CTTNBP2NL: variants seen among roughly 807,000 people sequenced by gnomAD.
CTTNBP2NL encodes the protein CTTNBP2 N-terminal like.
CTTNBP2NL carries 16 observed loss-of-function variants against 32.5 expected under a neutral mutation model. The ratio of observed to expected loss-of-function variants is 0.49; its 90% CI spans 0.33 to 0.75. The LOEUF (loss-of-function observed/expected upper bound fraction) is 0.75, where lower values mean the gene tolerates loss of function less well. Among genes scored for constraint, CTTNBP2NL ranks in the 30% least tolerant of loss-of-function variants. CTTNBP2NL has a pLI of 0.02. For synonymous variants in CTTNBP2NL, 298 were observed against 289.4 expected (o/e 1.03, Z -0.30); for missense variants, 645 against 756.0 (o/e 0.85, Z 1.72).
chr1:112,452,741 A>C (rs1387910886), intron 4 of CTTNBP2NL, among the ~76,000 whole-genome samples: 1 of 149,614 alleles, frequency 6.7e-6, no homozygotes, highest in Non-Finnish European at 1.5e-5. Flanking sequence ...CCCTGGGCTG[A>C]GGTGATCCTT....
In CTTNBP2NL at chr1:112,425,404, A is replaced by G. The variant is rs530546692; in HGVS notation, c.99+9140A>G. Among the ~76,000 whole-genome samples, 286 of 152,136 alleles carry G rather than the reference A, an allele frequency of 1.9e-3. 2 individuals carry two copies. Among genetic ancestry groups the G allele is most frequent in the African/African-American group, 6.4e-3 (267 of 41,520 alleles). On this transcript the variant is annotated intron_variant, in intron 3 of 5. Transcript: ENST00000271277. Reference sequence around the variant, plus strand: ...GAGAATCACTTGAACCTGGGAGGCAAAGGTTGCAGTGAGCTGAGATCGCGC... The same window carrying G: ...GAGAATCACTTGAACCTGGGAGGCAGAGGTTGCAGTGAGCTGAGATCGCGC...
intron 3 of CTTNBP2NL, among the ~76,000 whole-genome samples, chr1:112,425,653 C>T (rs558935618): frequency 9.0e-4 from 136 of 151,470 alleles, no homozygotes; most frequent in Admixed American, 2.8e-3. Flanking sequence ...CATTCAAGTC[C>T]AGGAGTTCAA....
chr1:112,434,498 T>C lies in CTTNBP2NL; in HGVS notation c.100-14444T>C, dbSNP rs1649669240. Reference sequence around the variant, plus strand: ...TTCTCTCCCTCTTATATTTTGACTTTAGATCCAAATGGTCTCTGGATCTAG... The same window carrying C: ...TTCTCTCCCTCTTATATTTTGACTTCAGATCCAAATGGTCTCTGGATCTAG... On this transcript the variant is annotated intron_variant, in intron 3 of 5. Transcript: ENST00000271277. Among the ~76,000 whole-genome samples, 3 of 152,210 alleles carry C rather than the reference T, an allele frequency of 2.0e-5. No homozygotes were observed. In the South Asian group the frequency reaches 6.2e-4, roughly 32 times the overall value.
At chr1:112,454,688 T>C in intron 5 of CTTNBP2NL, 132 bp downstream of exon 5, 1 of 692,984 alleles carries the variant, frequency 1.4e-6, no homozygotes, top group Non-Finnish European at 2.6e-6. Flanking sequence ...AACTACTGGA[T>C]TAAGCAAAGT....
chr1:112,448,093 A>G (rs753645096), intron 3 of CTTNBP2NL, among the ~76,000 whole-genome samples: 1 of 152,236 alleles, frequency 6.6e-6, no homozygotes, highest in Non-Finnish European at 1.5e-5. Flanking sequence ...CTGGGTACCC[A>G]GGGCTAACGT....
rs116277576 is a variant in CTTNBP2NL at position 112,416,811 on chromosome 1, T to A, written c.99+547T>A. On this transcript the variant is annotated intron_variant, in intron 3 of 5. Transcript: ENST00000271277. ...CCGGCAGAATTTCATTCTTTTAGTT[T>A]AGTGGCCCTTAGCTGTTTTTGAACG... is the stretch of plus-strand genomic sequence containing the variant. 2.3e-3 allele frequency among the ~76,000 whole-genome samples: 345 copies of A among 152,230 alleles called. 2 individuals carry two copies. The highest frequency in any genetic ancestry group is 7.8e-3 in the African/African-American group (324 of 41,544).
intron 3 of CTTNBP2NL, among the ~76,000 whole-genome samples, chr1:112,420,232 G>A (rs1238410016): frequency 3.5e-5 from 5 of 141,938 alleles, no homozygotes; most frequent in East Asian, 4.8e-4. Context: ...TGCAGCCTCC[G>A]CCTCCTGAGT....
chr1:112,416,314 T>C, intron 3 of CTTNBP2NL, 50 bp downstream of exon 3: 3 of 930,602 alleles, frequency 3.2e-6, no homozygotes, highest in Non-Finnish European at 5.0e-6. Flanking sequence ...GTGAAAGTCA[T>C]TCATTAGTTT....
intron 4 of CTTNBP2NL, among the ~76,000 whole-genome samples, chr1:112,450,906 A>C (rs537416419): frequency 1.3e-4 from 20 of 152,024 alleles, no homozygotes; most frequent in East Asian, 3.9e-4. Flanking sequence ...TGACTTTGTT[A>C]GAAATCAAAC....
intron 3 of CTTNBP2NL, 113 bp downstream of exon 3, chr1:112,416,377 A>G (rs1649064825): frequency 3.3e-6 from 2 of 611,738 alleles, no homozygotes; most frequent in Admixed American, 3.4e-5. Context: ...TAAATGGAGG[A>G]CATACTGATA....
intron 4 of CTTNBP2NL, among the ~76,000 whole-genome samples, chr1:112,453,567 G>C (rs569529082): frequency 1.6e-3 from 249 of 152,140 alleles, no homozygotes; most frequent in African/African-American, 5.7e-3. Flanking sequence ...GCCTGGGCAA[G>C]ATGGCAAAAC....
At chr1:112,404,205 C>G (rs370978969) in intron 1 of CTTNBP2NL, among the ~76,000 whole-genome samples, 1 of 152,368 alleles carries the variant, frequency 6.6e-6, no homozygotes, top group African/African-American at 2.4e-5. Flanking sequence ...AGCAGAATTA[C>G]TGTCCCTGAA....
intron 3 of CTTNBP2NL, among the ~76,000 whole-genome samples, chr1:112,439,754 C>G (rs1192684837): frequency 2.0e-5 from 3 of 152,252 alleles, no homozygotes; most frequent in South Asian, 2.1e-4. Flanking sequence ...GCCCCCTACC[C>G]GAACCCTGCC....
chr1:112,408,982 G>C (rs946482697), intron 1 of CTTNBP2NL, among the ~76,000 whole-genome samples: 1 of 152,074 alleles, frequency 6.6e-6, no homozygotes, highest in African/African-American at 2.4e-5. Flanking sequence ...ATAAAAACTA[G>C]CCAGGCGTGG....
intron 4 of CTTNBP2NL, among the ~76,000 whole-genome samples, chr1:112,452,102 A>G (rs752427797): frequency 2.6e-5 from 4 of 152,250 alleles, no homozygotes; most frequent in Non-Finnish European, 2.9e-5. Context: ...GGCCAAAAGC[A>G]TGTCTTTCTA....
Position 112,396,220 on chromosome 1 carries a change from T to C in CTTNBP2NL, c.-186T>C, listed in dbSNP as rs972985736. The C allele has an allele frequency of 1.3e-5, 2 of 151,474 alleles. No individual in the cohort carries two copies. The highest frequency in any genetic ancestry group is 2.9e-5 in the Non-Finnish European group (2 of 67,962). 9.4% of individuals were successfully genotyped at this position (151,474 alleles called of 1,614,324 possible). ...GCTGAGGGGGCGGAGCCTCAGCCGC[T>C]GTGGATGGGGAGTGGAGGCGGAGGG... is the stretch of plus-strand genomic sequence containing the variant. On this transcript the variant is annotated 5_prime_UTR_variant, in exon 1 of 6. Transcript: ENST00000271277.
upstream of CTTNBP2NL, among the ~76,000 whole-genome samples, chr1:112,391,750 G>T (rs1262755346): frequency 6.6e-6 from 1 of 152,152 alleles, no homozygotes; most frequent in Non-Finnish European, 1.5e-5. Flanking sequence ...AACACTTTGG[G>T]AGGCCGAGGC....
intron 5 of CTTNBP2NL, 59 bp downstream of exon 5, chr1:112,454,615 T>C: frequency 8.0e-7 from 1 of 1,244,770 alleles, no homozygotes; most frequent in Non-Finnish European, 1.2e-6. Flanking sequence ...TCCCAAAGAT[T>C]ATTCTGCAGG....
In CTTNBP2NL at chr1:112,416,379, A is replaced by G. The variant is rs1029797166; in HGVS notation, c.99+115A>G. ...TTTCCATTGAAATTAAATGGAGGAC[A>G]TACTGATACTTGCCATAGGTAGCCA... On this transcript the variant is annotated intron_variant, in intron 3 of 5. Transcript: ENST00000271277. 3 of 609,490 alleles carry G rather than the reference A, an allele frequency of 4.9e-6. No individual in the cohort carries two copies. In the African/African-American group the frequency reaches 5.6e-5, roughly 11 times the overall value. 37.8% of individuals were successfully genotyped at this position (609,490 alleles called of 1,614,324 possible). A position where few individuals can be genotyped will look rare whatever the true frequency, so the allele number is the denominator to read the frequency against.
Sources: allele counts gnomAD v4.1 joint callset (sites outside exome capture counted in the v4.1 genomes callset), GRCh38; gene constraint gnomAD v4.1.1; transcripts MANE v1.5; gene names NCBI Gene and HGNC (gene_info 2026-07-23, HGNC 2026-07-21).